Variants in PGM1 observed in about 807,000 individuals in gnomAD.
PGM1 encodes the protein phosphoglucomutase 1.
In PGM1, 52 loss-of-function variants were observed where a neutral mutation model predicts 55.6. That is an observed-to-expected ratio of 0.94 (90% CI 0.75 to 1.18). PGM1 has a LOEUF of 1.18. PGM1 is among the 50% of genes most tolerant of loss of function. The probability of loss-of-function intolerance (pLI) is 0.00; values close to 1 mark genes in which losing one functional copy is unlikely to be tolerated. For synonymous variants in PGM1, 287 were observed against 271.7 expected, an observed-to-expected ratio of 1.06 and a Z score of -0.55; for missense variants, 724 against 729.3, an observed-to-expected ratio of 0.99 and a Z score of 0.08.
At chr1:63,641,424 T>C (rs1470993751) in intron 7 of PGM1, among the ~76,000 whole-genome samples, 1 of 152,220 alleles carries the variant, frequency 6.6e-6, no homozygotes, top group Non-Finnish European at 1.5e-5. Context: ...GATCTTCTTA[T>C]TTATAGAGGA....
At position 63,593,729 on chromosome 1, in the gene PGM1, A is replaced by G. The variant is rs1315439514; in HGVS notation, c.241A>G (p.Asn81Asp). ...GCTCATCGCTCGCATCGCTGCCGCC[A>G]ACGGGGTAAGGGATGCGCGGCCCCG... ...IQLIARIAAANGIGRLVIGQN... is the reference protein window; with the variant it reads ...IQLIARIAAADGIGRLVIGQN... The change falls in exon 1 of 11, where the codon AAC becomes GAC. Residue 81 changes from asparagine (N) to aspartate (D), a missense_variant. Coordinates refer to ENST00000371084, the MANE Select transcript of PGM1 (RefSeq NM_002633.3). The G allele has an allele frequency of 1.3e-6, 2 of 1,595,310 alleles. No homozygotes were observed. Among genetic ancestry groups the G allele is most frequent in the African/African-American group, 2.7e-5 (2 of 74,560 alleles).
At position 63,629,491 on chromosome 1, in the gene PGM1, A is replaced by T. The variant is rs913151742; in HGVS notation, c.313A>T (p.Lys105Ter). ...STPAVSCIIR[K>*]IKAIGGIILT... ...CCCTGCTGTATCCTGCATCATTAGAAAAATCAAAGCCATTGGTGGGATCAT... is the reference window on the plus strand; with the variant it reads ...CCCTGCTGTATCCTGCATCATTAGATAAATCAAAGCCATTGGTGGGATCAT... The change falls in exon 2 of 11, where the codon AAA becomes TAA. Residue 105 changes from lysine (K) to a stop codon, truncating the protein, a stop_gained. Transcript: ENST00000371084. LOFTEE classifies it high-confidence loss of function. 1.9e-6 allele frequency: 3 copies of T among 1,613,800 alleles called. No homozygotes were observed. Among genetic ancestry groups the T allele is most frequent in the Non-Finnish European group, 2.5e-6 (3 of 1,179,810 alleles).
rs745424900 is a variant in PGM1, at chr1:63,651,789, T to A, written c.1401T>A (p.Thr467=). Residue 467 remains threonine, a synonymous_variant, in exon 9 of 11, where the codon ACT becomes ACA. Coordinates refer to ENST00000371084, the MANE Select transcript of PGM1 (RefSeq NM_002633.3). ...KQFSANDKVY[T]VEKADNFEYS... ...TCTCAGCAAATGACAAAGTTTACAC[T>A]GTGGAGAAGGCCGATAACTTTGAAT... 1.4e-5 allele frequency: 22 copies of A among 1,613,870 alleles called. No individual in the cohort carries two copies. Among genetic ancestry groups the A allele is most frequent in the Middle Eastern group, 3.3e-4 (2 of 6,084 alleles).
At chr1:63,621,876 G>A (rs1648886592) in intron 1 of PGM1, among the ~76,000 whole-genome samples, 1 of 152,086 alleles carries the variant, frequency 6.6e-6, no homozygotes, top group Non-Finnish European at 1.5e-5. Context: ...TATTCCTGCT[G>A]GTCTTGTGCA....
rs568388321 is a variant in PGM1 at position 63,658,999 on chromosome 1, C to T, written c.1600-587C>T. ...TTTAAAACCATTAGATCTCATGAGA[C>T]CCATTCACTATCATGAGAACAGCAC... is the stretch of plus-strand genomic sequence containing the variant. On this transcript the variant is annotated intron_variant, in intron 10 of 10. Coordinates refer to ENST00000371084, the MANE Select transcript of PGM1 (RefSeq NM_002633.3). 2.6e-5 allele frequency among the ~76,000 whole-genome samples: 4 copies of T among 152,268 alleles called. No individual in the cohort carries two copies. The South Asian group carries it at 8.3e-4, about 32-fold the overall frequency.
chr1:63,612,200 T>C (rs1394672720), intron 1 of PGM1, among the ~76,000 whole-genome samples: 1 of 151,562 alleles, frequency 6.6e-6, no homozygotes, highest in African/African-American at 2.4e-5. Flanking sequence ...GAGGTTGCAG[T>C]GAGCCGAGAT....
At chr1:63,649,526 G>A (rs1649750136) in intron 8 of PGM1, among the ~76,000 whole-genome samples, 1 of 152,184 alleles carries the variant, frequency 6.6e-6, no homozygotes, top group Admixed American at 6.5e-5. Flanking sequence ...AAATGAATAG[G>A]TGTAATTTCT....
At chr1:63,646,257 A>G in intron 7 of PGM1, among the ~76,000 whole-genome samples, 1 of 152,316 alleles carries the variant, frequency 6.6e-6, no homozygotes, top group Non-Finnish European at 1.5e-5. Context: ...GAGCATGATT[A>G]TAGAGCAATT....
intron 1 of PGM1, among the ~76,000 whole-genome samples, chr1:63,620,820 A>G (rs1242154736): frequency 1.3e-5 from 2 of 152,158 alleles, no homozygotes; most frequent in Non-Finnish European, 2.9e-5. Context: ...ATATGGTTTA[A>G]ATGTAATTTG....
chr1:63,614,758 A>G (rs1648664920), intron 1 of PGM1, among the ~76,000 whole-genome samples: 2 of 152,334 alleles, frequency 1.3e-5, no homozygotes, highest in Middle Eastern at 6.8e-3. Flanking sequence ...TAATCTCTGT[A>G]TCCCCCATTT....
At chr1:63,654,110 C>CTCTAAAATT (rs1649892122) in intron 9 of PGM1, among the ~76,000 whole-genome samples, 1 of 152,066 alleles carries the variant, frequency 6.6e-6, no homozygotes, top group Admixed American at 6.6e-5. Flanking sequence ...CTCCCCTGAC[C>CTCTAAAATT]CTGGAAATGC....
chr1:63,613,390 G>A (rs190879245), intron 1 of PGM1, among the ~76,000 whole-genome samples: 1 of 150,740 alleles, frequency 6.6e-6, no homozygotes, highest in Non-Finnish European at 1.5e-5. Flanking sequence ...GTCTGAAATC[G>A]AGGTGACAGC....
At chr1:63,657,789 GC>G (rs138608002) in intron 10 of PGM1, among the ~76,000 whole-genome samples, 2,428 of 152,224 alleles carry the variant, frequency 0.016, 67 homozygotes, top group African/African-American at 0.056. Context: ...CAGTGGCCAG[GC>G]CCCAGTTTCA....
rs763803180 is a variant in PGM1, at chr1:63,623,510, A to G, written c.247-5915A>G. 3.1e-6 allele frequency: 5 copies of G among 1,612,588 alleles called. No individual in the cohort carries two copies. In the African/African-American group the frequency reaches 6.7e-5, roughly 22 times the overall value. On this transcript the variant is annotated intron_variant, in intron 1 of 10. Coordinates refer to ENST00000371084, the MANE Select transcript of PGM1 (RefSeq NM_002633.3). ...TCTGGGACATATAGAAAAATGGAAG[A>G]AGGTCCTCTCCCTCTGTTGACTTTT...
intron 1 of PGM1, chr1:63,593,966 G>C: frequency 8.3e-7 from 1 of 1,197,854 alleles, no homozygotes. Context: ...CCTGACTCCC[G>C]GGGCGCCGGG....
chr1:63,605,228 G>GA (rs1274824995), intron 1 of PGM1, among the ~76,000 whole-genome samples: 2 of 152,254 alleles, frequency 1.3e-5, no homozygotes, highest in African/African-American at 4.8e-5. Context: ...TCCTGCTGAT[G>GA]AAAGTTGGAG....
chr1:63,648,984 C>G (rs935077950), intron 8 of PGM1, among the ~76,000 whole-genome samples: 2 of 152,176 alleles, frequency 1.3e-5, no homozygotes, highest in Non-Finnish European at 2.9e-5. Flanking sequence ...CTTCCCCTTA[C>G]TAGATTGGGG....
intron 1 of PGM1, among the ~76,000 whole-genome samples, chr1:63,610,530 T>A (rs1648537325): frequency 6.6e-6 from 1 of 152,238 alleles, no homozygotes; most frequent in Non-Finnish European, 1.5e-5. Flanking sequence ...AGCTGTTTAA[T>A]CTTGGGCAAA....
chr1:63,631,623 T>G (rs898133660), intron 3 of PGM1, 34 bp from the exon 4 acceptor site: 2 of 1,603,956 alleles, frequency 1.2e-6, no homozygotes, highest in Admixed American at 1.7e-5. Context: ...ATGTGTTTAA[T>G]CCTTCCATCT....
Sources: allele counts gnomAD v4.1 joint callset (sites outside exome capture counted in the v4.1 genomes callset), GRCh38; gene constraint gnomAD v4.1.1; transcripts MANE v1.5; gene names NCBI Gene and HGNC (gene_info 2026-07-23, HGNC 2026-07-21).